Variants in PLA2G4C observed in about 807,000 individuals in gnomAD.
The protein encoded by PLA2G4C is phospholipase A2 group IVC.
A neutral mutation model predicts 73.8 loss-of-function variants in PLA2G4C; 64 were observed. That is an observed-to-expected ratio of 0.87 (90% CI 0.71 to 1.07). The LOEUF (loss-of-function observed/expected upper bound fraction) is 1.07, where lower values mean the gene tolerates loss of function less well. Among genes scored for constraint, PLA2G4C ranks in the 50% least tolerant of loss-of-function variants. The pLI is 0.00. For missense variants in PLA2G4C, 622 were observed against 665.4 expected, an observed-to-expected ratio of 0.93 and a Z score of 0.72; for synonymous variants, 254 against 252.1, an observed-to-expected ratio of 1.01 and a Z score of -0.07.
intron 6 of PLA2G4C, 192 bp downstream of exon 6, chr19:48,097,947 C>A: frequency 1.9e-6 from 1 of 540,514 alleles, no homozygotes; most frequent in Non-Finnish European, 3.2e-6. Flanking sequence ...CCATGCAAAG[C>A]AAGTGCATGT....
chr19:48,104,452 A>C, intron 4 of PLA2G4C, 136 bp downstream of exon 4: 1 of 812,914 alleles, frequency 1.2e-6, no homozygotes, highest in Non-Finnish European at 2.0e-6. Flanking sequence ...AATTGCTCAG[A>C]ATTGTAGGAC....
chr19:48,095,769 T>C (rs1041208656), intron 6 of PLA2G4C, among the ~76,000 whole-genome samples, 165 bp from the exon 7 acceptor site: 1 of 152,212 alleles, frequency 6.6e-6, no homozygotes, highest in Non-Finnish European at 1.5e-5. Context: ...TCCTCAGACC[T>C]GAGTCTACGC....
At chr19:48,076,798 G>A (rs1049165400) in intron 11 of PLA2G4C, among the ~76,000 whole-genome samples, 4 of 152,042 alleles carry the variant, frequency 2.6e-5, no homozygotes, top group African/African-American at 7.2e-5. Context: ...AAACAGCTTG[G>A]ATGCCTAAGT....
rs1968685932 is a variant in PLA2G4C at position 48,072,158 on chromosome 19, AAAAACAAAAAAC to A, written c.1006+2597_1006+2608del. Among the ~76,000 whole-genome samples, 1 of 152,102 alleles carries A rather than the reference AAAAACAAAAAAC, an allele frequency of 6.6e-6. No homozygotes were observed. Among genetic ancestry groups the A allele is most frequent in the Admixed American group, 6.6e-5 (1 of 15,258 alleles). ...GAGACTCCATCTCAAACAAACAAAC[AAAAACAAAAAAC>A]AAAACAAAAAAAAGTACGTTTTTTA... On this transcript the variant is annotated intron_variant, in intron 12 of 16. Transcript: ENST00000599921. The surrounding 1 kb of genome is among the most constrained non-coding windows in gnomAD (Gnocchi z 4.4).
chr19:48,075,110 C>T (rs562763753), intron 11 of PLA2G4C, among the ~76,000 whole-genome samples: 38 of 152,132 alleles, frequency 2.5e-4, no homozygotes, highest in African/African-American at 9.2e-4. Context: ...CTCTACTCAT[C>T]TTTTGCACGC....
intron 16 of PLA2G4C, 123 bp downstream of exon 16, chr19:48,052,874 T>C (rs1967777971): frequency 1.0e-6 from 1 of 998,692 alleles, no homozygotes; most frequent in Admixed American, 2.3e-5. Flanking sequence ...CAAGCTCAAG[T>C]AGGGGAGACA....
chr19:48,093,843 G>A (rs2122645441), intron 7 of PLA2G4C, among the ~76,000 whole-genome samples: 1 of 152,312 alleles, frequency 6.6e-6, no homozygotes, highest in African/African-American at 2.4e-5. Context: ...ACTCGTGATA[G>A]CGAGTGAGTT....
intron 10 of PLA2G4C, among the ~76,000 whole-genome samples, chr19:48,081,819 G>A (rs916397844): frequency 1.5e-5 from 2 of 137,164 alleles, no homozygotes; most frequent in Non-Finnish European, 1.7e-5. Context: ...GGTGGCTCAT[G>A]CCTGTAATCC....
At chr19:48,051,540 A>G (rs927042616) in intron 16 of PLA2G4C, among the ~76,000 whole-genome samples, 8 of 144,112 alleles carry the variant, frequency 5.6e-5, no homozygotes, top group Non-Finnish European at 3.1e-5. Flanking sequence ...CCTTCTTCAC[A>G]GGGTGGCAGG....
intron 1 of PLA2G4C, among the ~76,000 whole-genome samples, chr19:48,109,298 G>T (rs1461164560): frequency 3.3e-5 from 5 of 152,004 alleles, no homozygotes; most frequent in Non-Finnish European, 7.4e-5. Flanking sequence ...TTGAGACAGG[G>T]TCTTGCTTTG....
At chr19:48,094,077 G>A (rs527703918) in intron 7 of PLA2G4C, among the ~76,000 whole-genome samples, 6 of 152,004 alleles carry the variant, frequency 3.9e-5, no homozygotes, top group Non-Finnish European at 7.4e-5. Context: ...GTATGAAAAC[G>A]GACTAATACA....
At chr19:48,085,592 C>G (rs2030925889) in intron 9 of PLA2G4C, among the ~76,000 whole-genome samples, 1 of 152,194 alleles carries the variant, frequency 6.6e-6, no homozygotes. Flanking sequence ...ATACCCCTCC[C>G]ACTTGGAAGG....
chr19:48,055,916 G>A (rs1393975582), intron 14 of PLA2G4C, among the ~76,000 whole-genome samples: 2 of 152,046 alleles, frequency 1.3e-5, no homozygotes, highest in Non-Finnish European at 2.9e-5. Context: ...GAGCCACCGC[G>A]CCCGGCCGTA....
At chr19:48,090,146 A>G in intron 8 of PLA2G4C, 1 of 538,910 alleles carries the variant, frequency 1.9e-6, no homozygotes, top group Non-Finnish European at 3.3e-6. Context: ...CACAAAGCTT[A>G]CATGTACCAG....
At position 48,110,531 on chromosome 19, in the gene PLA2G4C, T is replaced by TACTCCGGAATCCGGTGCGGAGGCTTGG. The variant is rs2032447492; in HGVS notation, c.-78_-77insCCAAGCCTCCGCACCGGATTCCGGAGT. On this transcript the variant is annotated 5_prime_UTR_variant, in exon 1 of 17. Transcript: ENST00000599921. ...GTGTGCGCATGCGCGGTGGAGCTTGTGCTCCGGAATCCGGTGCGGAGGCTT... is the reference window on the plus strand; with the variant it reads ...GTGTGCGCATGCGCGGTGGAGCTTGTACTCCGGAATCCGGTGCGGAGGCTTGGGCTCCGGAATCCGGTGCGGAGGCTT... The TACTCCGGAATCCGGTGCGGAGGCTTGG allele has an allele frequency of 2.2e-6, 3 of 1,387,008 alleles. No individual in the cohort carries two copies. Among genetic ancestry groups the TACTCCGGAATCCGGTGCGGAGGCTTGG allele is most frequent in the South Asian group, 2.8e-5 (2 of 72,646 alleles). The allele number at this position is 1,387,008 out of a possible 1,614,324, so 85.9% of individuals were successfully genotyped here.
At chr19:48,109,644 G>GTTTAT (rs1277939733) in intron 1 of PLA2G4C, among the ~76,000 whole-genome samples, 1 of 151,554 alleles carries the variant, frequency 6.6e-6, no homozygotes, top group African/African-American at 2.4e-5. Flanking sequence ...GGTTTGATTG[G>GTTTAT]TTTATTTTAT....
At chr19:48,065,953 C>A (rs11564630) in intron 13 of PLA2G4C, among the ~76,000 whole-genome samples, 7,200 of 152,024 alleles carry the variant, frequency 0.047, 237 homozygotes, top group Non-Finnish European at 0.075. Context: ...ATTAGCCAGG[C>A]GTGGTGGCGC....
chr19:48,067,678 C>T, intron 13 of PLA2G4C, 113 bp downstream of exon 13: 2 of 768,770 alleles, frequency 2.6e-6, no homozygotes, highest in Non-Finnish European at 4.6e-6. Context: ...CACCCCCCTC[C>T]AAAGCTCTGG....
intron 7 of PLA2G4C, among the ~76,000 whole-genome samples, chr19:48,092,807 G>A (rs919654374): frequency 7.9e-5 from 12 of 152,176 alleles, no homozygotes; most frequent in African/African-American, 2.9e-4. Flanking sequence ...AGTTTTACAA[G>A]ATGAAAAGTG....
Sources: allele counts gnomAD v4.1 joint callset (sites outside exome capture counted in the v4.1 genomes callset), GRCh38; gene constraint gnomAD v4.1.1; non-coding constraint Gnocchi (gnomAD v3.1); transcripts MANE v1.5; gene names NCBI Gene and HGNC (gene_info 2026-07-23, HGNC 2026-07-21).